The following GRID2 variants were observed in gnomAD, a reference collection of about 807,000 sequenced individuals.
GRID2 encodes glutamate receptor ionotropic, delta-2.
GRID2 carries 33 observed loss-of-function variants against 114.8 expected under a neutral mutation model. The ratio of observed to expected loss-of-function variants is 0.29; its 90% CI spans 0.22 to 0.38. The LOEUF is 0.38. Ranked by LOEUF, GRID2 falls within the 10% of genes least tolerant of loss-of-function variation. GRID2 has a pLI of 1.00. For synonymous variants in GRID2, 505 were observed against 449.9 expected, an observed-to-expected ratio of 1.12 and a Z score of -1.55; for missense variants, 1,184 against 1,257.7, an observed-to-expected ratio of 0.94 and a Z score of 0.89.
At chr4:93,157,088 TA>T (rs1737254607) in intron 4 of GRID2, among the ~76,000 whole-genome samples, 1 of 151,720 alleles carries the variant, frequency 6.6e-6, no homozygotes, top group South Asian at 2.1e-4. Context: ...TCCCTTCTGT[TA>T]AAGTGAAATT....
chr4:92,443,383 T>G (rs958890048), intron 1 of GRID2, among the ~76,000 whole-genome samples: 1 of 151,890 alleles, frequency 6.6e-6, no homozygotes, highest in Non-Finnish European at 1.5e-5. Flanking sequence ...TGGTTTTAAG[T>G]TTTTGAGAAC....
chr4:92,347,006 A>T (rs547112003), intron 1 of GRID2, among the ~76,000 whole-genome samples: 230 of 152,292 alleles, frequency 1.5e-3, no homozygotes, highest in Non-Finnish European at 2.7e-3. Flanking sequence ...TAGTCCAGAA[A>T]ATATGTTCTG....
At chr4:92,443,512 T>G (rs1206036219) in intron 1 of GRID2, among the ~76,000 whole-genome samples, 1 of 151,924 alleles carries the variant, frequency 6.6e-6, no homozygotes, top group Non-Finnish European at 1.5e-5. Flanking sequence ...GGTTCTTACC[T>G]TCCAGAAAAG....
intron 13 of GRID2, among the ~76,000 whole-genome samples, chr4:93,544,282 A>G (rs1467206692): frequency 1.4e-5 from 2 of 146,264 alleles, no homozygotes; most frequent in East Asian, 1.9e-4. Context: ...AAAAATTTAA[A>G]TGGGTTAGCA....
At chr4:93,607,036 C>T (rs1740315380) in intron 13 of GRID2, among the ~76,000 whole-genome samples, 1 of 152,070 alleles carries the variant, frequency 6.6e-6, no homozygotes, top group East Asian at 1.9e-4. Flanking sequence ...TAGGTATTTA[C>T]ACACATGTAA....
At chr4:93,686,699 C>T (rs1440796952) in intron 14 of GRID2, among the ~76,000 whole-genome samples, 1 of 151,862 alleles carries the variant, frequency 6.6e-6, no homozygotes. Context: ...GGGGATGAGC[C>T]TTGGAGATAT....
chr4:93,265,145 A>T (rs1750680373), intron 8 of GRID2, among the ~76,000 whole-genome samples: 1 of 152,024 alleles, frequency 6.6e-6, no homozygotes, highest in South Asian at 2.1e-4. Flanking sequence ...TCAGGATTCT[A>T]TTTTGGTTTT....
At chr4:93,000,555 A>G (rs1755478717) in intron 2 of GRID2, among the ~76,000 whole-genome samples, 1 of 151,722 alleles carries the variant, frequency 6.6e-6, no homozygotes, top group African/African-American at 2.4e-5. Context: ...ATAGTAACTT[A>G]TAAAAAATTA....
At chr4:92,906,449 C>T (rs1015041311) in intron 2 of GRID2, among the ~76,000 whole-genome samples, 2 of 127,498 alleles carry the variant, frequency 1.6e-5, no homozygotes, top group African/African-American at 5.5e-5. Flanking sequence ...AATTTTAGCA[C>T]TTTGGTGGAA....
chr4:93,327,620 A>C (rs1416941952), intron 8 of GRID2, among the ~76,000 whole-genome samples: 2 of 152,098 alleles, frequency 1.3e-5, no homozygotes, highest in Non-Finnish European at 2.9e-5. Context: ...CCATTGTCTT[A>C]AGTGAAACAA....
chr4:93,705,328 CT>C (rs971264770), intron 14 of GRID2, among the ~76,000 whole-genome samples: 242 of 144,110 alleles, frequency 1.7e-3, no homozygotes, highest in African/African-American at 4.0e-3. Context: ...TTTCTTTTTT[CT>C]TTTTTTTTTT....
At chr4:93,049,801 A>G (rs989312182) in intron 2 of GRID2, among the ~76,000 whole-genome samples, 1 of 151,970 alleles carries the variant, frequency 6.6e-6, no homozygotes, top group Admixed American at 6.6e-5. Flanking sequence ...GCTACACATA[A>G]CCAAAGGTAG....
intron 4 of GRID2, among the ~76,000 whole-genome samples, chr4:93,114,074 A>G (rs1224698231): frequency 6.6e-6 from 1 of 152,160 alleles, no homozygotes; most frequent in African/African-American, 2.4e-5. Flanking sequence ...TTAGGATAAA[A>G]CAAGCTGAGC....
rs570056358 is a variant in GRID2, at chr4:93,228,021, G to C, written c.1125+3246G>C. On this transcript the variant is annotated intron_variant, in intron 7 of 15. Coordinates refer to ENST00000282020, the MANE Select transcript of GRID2 (RefSeq NM_001510.4). ...CTATTCACAGCAGTACAGTTTTTTT[G>C]CTAGTCTGATCCTTCAAATTCTTCA... Among the ~76,000 whole-genome samples, 13 of 152,118 alleles carry C rather than the reference G, an allele frequency of 8.5e-5. No individual in the cohort carries two copies. In the East Asian group the frequency reaches 2.5e-3, roughly 29 times the overall value.
intron 2 of GRID2, among the ~76,000 whole-genome samples, chr4:93,032,862 G>A (rs542791879): frequency 1.3e-5 from 2 of 152,238 alleles, no homozygotes; most frequent in African/African-American, 4.8e-5. Flanking sequence ...CAGGACAGCT[G>A]AGCTACACTC....
rs1043028579 is a variant in GRID2 at position 92,652,864 on chromosome 4, A to C, written c.244+62578A>C. On this transcript the variant is annotated intron_variant, in intron 2 of 15. Transcript: ENST00000282020. ...ATAAATATATATATAATATATAAATACATATAAATATATAAAAATATATTT... is the reference window on the plus strand; with the variant it reads ...ATAAATATATATATAATATATAAATCCATATAAATATATAAAAATATATTT... Among the ~76,000 whole-genome samples, 2 of 105,396 alleles carry C rather than the reference A, an allele frequency of 1.9e-5. 1 individual carries two copies. The highest frequency in any genetic ancestry group is 4.0e-5 in the Non-Finnish European group (2 of 49,618). 69.1% of individuals were successfully genotyped at this position (105,396 alleles called of 152,430 possible). A position where few individuals can be genotyped will look rare whatever the true frequency, so the allele number is the denominator to read the frequency against.
At chr4:93,457,399 G>A (rs1375071006) in intron 11 of GRID2, among the ~76,000 whole-genome samples, 2 of 151,968 alleles carry the variant, frequency 1.3e-5, no homozygotes, top group Non-Finnish European at 2.9e-5. Context: ...CAAGCAGAGA[G>A]GATCTAGTAA....
intron 13 of GRID2, among the ~76,000 whole-genome samples, chr4:93,575,264 G>T (rs1398453821): frequency 2.0e-5 from 3 of 152,122 alleles, no homozygotes; most frequent in Admixed American, 1.3e-4. Context: ...AGCAGTAATT[G>T]ACATTCCCAT....
chr4:93,238,871 A>T (rs1747127431), intron 8 of GRID2, among the ~76,000 whole-genome samples: 5 of 151,530 alleles, frequency 3.3e-5, no homozygotes. Flanking sequence ...TAAATTTCAT[A>T]TAGTAAGACA....
Sources: allele counts gnomAD v4.1 joint callset (sites outside exome capture counted in the v4.1 genomes callset), GRCh38; gene constraint gnomAD v4.1.1; transcripts MANE v1.5; gene names NCBI Gene and HGNC (gene_info 2026-07-23, HGNC 2026-07-21).